Variants in CREM observed in about 807,000 individuals in gnomAD.
The protein encoded by CREM is cAMP responsive element modulator, also known as cAMP-responsive element modulator.
In CREM, 13 loss-of-function variants were observed where a neutral mutation model predicts 37.3. That is an observed-to-expected ratio of 0.35 (90% CI 0.23 to 0.55). The LOEUF (loss-of-function observed/expected upper bound fraction) is 0.55, where lower values mean the gene tolerates loss of function less well. Ranked by LOEUF, CREM falls within the 20% of genes least tolerant of loss-of-function variation. The pLI is 0.88. For missense variants in CREM, 296 were observed against 362.3 expected, an observed-to-expected ratio of 0.82 and a Z score of 1.49; for synonymous variants, 124 against 120.2, an observed-to-expected ratio of 1.03 and a Z score of -0.21.
chr10:35,195,200 CTG>C (rs1407990039), intron 6 of CREM: 2 of 1,613,890 alleles, frequency 1.2e-6, no homozygotes, highest in South Asian at 2.2e-5. Flanking sequence ...ATGGCTGTAA[CTG>C]GAGATGACAC....
intron 3 of CREM, among the ~76,000 whole-genome samples, chr10:35,160,736 A>T (rs1000851551): frequency 1.3e-5 from 2 of 152,240 alleles, no homozygotes; most frequent in South Asian, 4.1e-4. Flanking sequence ...ACAGCTGCAT[A>T]AAAATGTTTT....
intron 3 of CREM, among the ~76,000 whole-genome samples, chr10:35,161,366 G>T (rs752621558): frequency 5.9e-5 from 9 of 151,932 alleles, no homozygotes; most frequent in Non-Finnish European, 1.3e-4. Flanking sequence ...GTGGTGGCAG[G>T]CGCCTGTAAT....
At position 35,188,316 on chromosome 10, in the gene CREM, G is replaced by A. The variant is rs1292845616; in HGVS notation, c.526G>A (p.Val176Ile). The change falls in exon 6 of 8, where the codon GTA (valine) becomes ATA (isoleucine). Residue 176 changes from valine (V) to isoleucine (I), a missense_variant. Coordinates refer to ENST00000685392, the MANE Select transcript of CREM (RefSeq NM_183011.2). ...AGCTCCTCCACCAGGTGCTACAATT[G>A]TACAGTACGCAGCACAATCAGCTGA... ...SGAPPPGATI[V>I]QYAAQSADGT... 2 of 1,614,162 alleles carry A rather than the reference G, an allele frequency of 1.2e-6. No homozygotes were observed. The highest frequency in any genetic ancestry group is 2.2e-5 in the East Asian group (1 of 44,886).
chr10:35,137,993 A>G (rs2090838745), intron 2 of CREM, 114 bp downstream of exon 2: 1 of 609,878 alleles, frequency 1.6e-6, no homozygotes, highest in South Asian at 3.9e-5. Flanking sequence ...TATATATTCT[A>G]TTATAATATA....
intron 3 of CREM, chr10:35,152,208 G>C (rs879758470): frequency 6.6e-6 from 1 of 152,212 alleles, no homozygotes; most frequent in South Asian, 2.1e-4. Flanking sequence ...TAAGCAGAAC[G>C]TTCAGTGGGT....
intron 2 of CREM, among the ~76,000 whole-genome samples, chr10:35,145,381 C>T (rs1179984533): frequency 6.6e-6 from 1 of 152,034 alleles, no homozygotes. Flanking sequence ...TGGTGAAATC[C>T]TACTCACCCT....
chr10:35,191,383 T>C (rs538692618), intron 6 of CREM, among the ~76,000 whole-genome samples: 5 of 152,352 alleles, frequency 3.3e-5, no homozygotes, highest in African/African-American at 1.2e-4. Context: ...TTTATACAAA[T>C]AGTGATGTTT....
chr10:35,177,708 T>TA (rs1426438369), intron 3 of CREM, among the ~76,000 whole-genome samples: 4 of 152,208 alleles, frequency 2.6e-5, no homozygotes, highest in African/African-American at 7.2e-5. Context: ...CTAGAATACT[T>TA]ACGTGTTGGA....
At chr10:35,156,108 T>A (rs1277345175) in intron 3 of CREM, among the ~76,000 whole-genome samples, 1 of 150,332 alleles carries the variant, frequency 6.7e-6, no homozygotes, top group Non-Finnish European at 1.5e-5. Context: ...CCTGGCTAAT[T>A]TTTTGTATTT....
intron 3 of CREM, among the ~76,000 whole-genome samples, chr10:35,156,773 T>G (rs2092944703): frequency 6.6e-6 from 1 of 152,214 alleles, no homozygotes; most frequent in Non-Finnish European, 1.5e-5. Flanking sequence ...GAGAAAAGCC[T>G]GGTTATGGTA....
At position 35,128,526 on chromosome 10, in the gene CREM, C is replaced by CTT. The variant is rs35809404; in HGVS notation, c.-55+1349_-55+1350dup. On this transcript the variant is annotated intron_variant, in intron 1 of 7. Transcript: ENST00000685392. ...TTGAGCGCCACGTTTTTTTCCTAGT[C>CTT]TTTTTTTTTTTTTTTTTGAGACGGG... is the stretch of plus-strand genomic sequence containing the variant. 5.6e-4 allele frequency among the ~76,000 whole-genome samples: 72 copies of CTT among 128,934 alleles called. 1 individual carries two copies. The highest frequency in any genetic ancestry group is 1.8e-3 in the African/African-American group (62 of 34,468). 84.6% of individuals were successfully genotyped at this position (128,934 alleles called of 152,430 possible). A position where few individuals can be genotyped will look rare whatever the true frequency, so the allele number is the denominator to read the frequency against.
At chr10:35,162,419 T>C (rs1288102322) in intron 3 of CREM, among the ~76,000 whole-genome samples, 1 of 152,232 alleles carries the variant, frequency 6.6e-6, no homozygotes, top group East Asian at 1.9e-4. Context: ...ATGTTAATAA[T>C]GTTCTCACCA....
intron 6 of CREM, among the ~76,000 whole-genome samples, chr10:35,189,292 C>T (rs1317634901): frequency 1.3e-5 from 2 of 151,706 alleles, no homozygotes; most frequent in Admixed American, 1.3e-4. Flanking sequence ...TGAGATGTAG[C>T]CCTAAGCTTT....
chr10:35,155,960 G>A (rs1317392963), intron 3 of CREM, among the ~76,000 whole-genome samples: 2 of 134,508 alleles, frequency 1.5e-5, no homozygotes, highest in South Asian at 4.8e-4. Context: ...TTTTTTTTGA[G>A]ACAGAGTCTT....
rs563119373 is a variant in CREM at position 35,201,102 on chromosome 10, T to C, written c.599-5793T>C. 4.6e-5 allele frequency among the ~76,000 whole-genome samples: 7 copies of C among 152,286 alleles called. No individual in the cohort carries two copies. The South Asian group carries it at 8.3e-4, about 18-fold the overall frequency. Reference sequence around the variant, plus strand: ...ACATTGAAAAGGATATCTTACATTATCTTTAATGTATTCTCTAAAGGAATA... The same window carrying C: ...ACATTGAAAAGGATATCTTACATTACCTTTAATGTATTCTCTAAAGGAATA... On this transcript the variant is annotated intron_variant, in intron 6 of 7. Coordinates refer to ENST00000685392, the MANE Select transcript of CREM (RefSeq NM_183011.2).
chr10:35,206,187 G>T (rs1297060360), intron 6 of CREM, among the ~76,000 whole-genome samples: 1 of 151,058 alleles, frequency 6.6e-6, no homozygotes, highest in Non-Finnish European at 1.5e-5. Context: ...GGCGGAGCTT[G>T]CAGTGAGCCA....
chr10:35,138,432 A>T (rs1758668808), intron 2 of CREM, among the ~76,000 whole-genome samples: 1 of 151,732 alleles, frequency 6.6e-6, no homozygotes, highest in African/African-American at 2.4e-5. Context: ...ATTGGATTCT[A>T]TTTTTAGAAG....
chr10:35,167,917 C>G (rs915752808), intron 3 of CREM: 7 of 885,630 alleles, frequency 7.9e-6, no homozygotes, highest in African/African-American at 1.7e-5. Flanking sequence ...TTTGTTCTTG[C>G]GATAGTTTAC....
At chr10:35,138,453 T>G (rs1368610338) in intron 2 of CREM, among the ~76,000 whole-genome samples, 1 of 152,078 alleles carries the variant, frequency 6.6e-6, no homozygotes, top group Non-Finnish European at 1.5e-5. Context: ...AGATGAAAAA[T>G]TTTTTCAAGG....
Sources: gnomAD v4.1 joint callset for allele counts (sites outside exome capture counted in the v4.1 genomes callset) on GRCh38, gnomAD v4.1.1 for gene constraint, MANE v1.5 for transcripts, NCBI Gene and HGNC (gene_info 2026-07-23, HGNC 2026-07-21) for gene names.